The following HDAC4 variants were observed in gnomAD, a reference collection of about 807,000 sequenced individuals.
HDAC4 encodes the protein histone deacetylase 4.
Under a neutral mutation model 135.1 loss-of-function variants are expected in HDAC4, and 16 were observed. The observed-to-expected ratio is 0.12, with a 90% CI of 0.08 to 0.18. The LOEUF is 0.18. Among genes scored for constraint, HDAC4 ranks in the 10% least tolerant of loss-of-function variants. The pLI, the probability that HDAC4 is intolerant of heterozygous loss-of-function variation, is 1.00. For missense variants in HDAC4, 1,143 were observed against 1,511.8 expected, an observed-to-expected ratio of 0.76 and a Z score of 4.05; for synonymous variants, 685 against 653.4, an observed-to-expected ratio of 1.05 and a Z score of -0.74.
rs557082881 is a variant in HDAC4 at position 239,354,817 on chromosome 2, G to T, written c.-219-1899C>A. Reference sequence around the variant, plus strand: ...TTTATTCATCTCTTGGTCAGAAAGAGACATTTTCTTGAAGGGAATGTAGAT... The same window carrying T: ...TTTATTCATCTCTTGGTCAGAAAGATACATTTTCTTGAAGGGAATGTAGAT... On this transcript the variant is annotated intron_variant, in intron 1 of 26. Coordinates refer to ENST00000543185, the MANE Select transcript of HDAC4 (RefSeq NM_001378414.1). 8.5e-5 allele frequency among the ~76,000 whole-genome samples: 13 copies of T among 152,158 alleles called. No individual in the cohort carries two copies. The South Asian group carries it at 2.3e-3, about 27-fold the overall frequency.
intron 2 of HDAC4, among the ~76,000 whole-genome samples, chr2:239,273,124 T>C (rs1233556388): frequency 6.6e-6 from 1 of 152,172 alleles, no homozygotes; most frequent in South Asian, 2.1e-4. Flanking sequence ...GATTATCAGA[T>C]AAATTCCGGG....
chr2:239,369,678 G>T (rs1694468955), intron 1 of HDAC4, among the ~76,000 whole-genome samples: 2 of 152,304 alleles, frequency 1.3e-5, no homozygotes, highest in South Asian at 4.1e-4. Context: ...ATAAACTCAT[G>T]AAGTCAAGAA....
At position 239,345,690 on chromosome 2, in the gene HDAC4, TCA is replaced by T. The variant is rs1452474425; in HGVS notation, c.22+6986_22+6987del. On this transcript the variant is annotated intron_variant, in intron 2 of 26. Coordinates refer to ENST00000543185, the MANE Select transcript of HDAC4 (RefSeq NM_001378414.1). ...ACTCCCTAAAACACACACACCCATC[TCA>T]CACACATGCACTCACCCTAACACAC... is the stretch of plus-strand genomic sequence containing the variant. 1.1e-4 allele frequency among the ~76,000 whole-genome samples: 17 copies of T among 149,138 alleles called. 1 individual carries two copies. The highest frequency in any genetic ancestry group is 4.2e-4 in the African/African-American group (17 of 40,200).
intron 18 of HDAC4, 124 bp from the exon 19 acceptor site, chr2:239,087,738 A>C (rs115464353): frequency 1.1e-6 from 1 of 883,958 alleles, no homozygotes; most frequent in South Asian, 1.4e-5. Flanking sequence ...TTCTTGCTGC[A>C]CCCTGGCCAC....
At position 239,139,322 on chromosome 2, in the gene HDAC4, A is replaced by C. The variant is rs564314429; in HGVS notation, c.978+362T>G. ...AGCCACCCTCAGAGCACTGGCGACC[A>C]CAGCGAGCTGGGCAGCAGGGATCCT... On this transcript the variant is annotated intron_variant, in intron 9 of 26. Transcript: ENST00000543185. This position sits in a 1 kb window ranked among gnomAD's most constrained non-coding sequence, Gnocchi z 5.3. Among the ~76,000 whole-genome samples the C allele has an allele frequency of 6.6e-6, 1 of 152,292 alleles. No homozygotes were observed. Among genetic ancestry groups the C allele is most frequent in the South Asian group, 2.1e-4 (1 of 4,824 alleles).
chr2:239,076,105 G>A (rs1245892452), intron 22 of HDAC4, among the ~76,000 whole-genome samples: 1 of 149,350 alleles, frequency 6.7e-6, no homozygotes, highest in Non-Finnish European at 1.5e-5. Flanking sequence ...CTCAGCTTCC[G>A]GGGAAACAAA....
rs567493802 is a variant in HDAC4 at position 239,103,187 on chromosome 2, G to C, written c.2113-291C>G. On this transcript the variant is annotated intron_variant, in intron 15 of 26. Coordinates refer to ENST00000543185, the MANE Select transcript of HDAC4 (RefSeq NM_001378414.1). ...CCCTTCACTGTCGCACGAATGACTTGGCATCAAATTATTACTTTGCTTTCC... is the reference window on the plus strand; with the variant it reads ...CCCTTCACTGTCGCACGAATGACTTCGCATCAAATTATTACTTTGCTTTCC... Among the ~76,000 whole-genome samples, 102 of 152,264 alleles carry C rather than the reference G, an allele frequency of 6.7e-4. 1 individual carries two copies. Among genetic ancestry groups the C allele is most frequent in the African/African-American group, 2.3e-3 (97 of 41,550 alleles).
At chr2:239,112,834 C>T (rs762207508) in intron 13 of HDAC4, among the ~76,000 whole-genome samples, 6 of 152,182 alleles carry the variant, frequency 3.9e-5, no homozygotes, top group Non-Finnish European at 8.8e-5. Flanking sequence ...AAACCAGGTA[C>T]CTACATCCCA....
At chr2:239,302,290 G>A (rs888597683) in intron 2 of HDAC4, among the ~76,000 whole-genome samples, 2 of 152,186 alleles carry the variant, frequency 1.3e-5, no homozygotes, top group African/African-American at 4.8e-5. Flanking sequence ...TCAAGCTGAA[G>A]TCTCGGGTGA....
intron 2 of HDAC4, among the ~76,000 whole-genome samples, chr2:239,351,310 T>C (rs13401023): frequency 0.038 from 5,746 of 152,324 alleles, 369 homozygotes; most frequent in African/African-American, 0.13. Context: ...GAGCAAGTTA[T>C]ATTTGCACAC....
rs541334021 is a variant in HDAC4, at chr2:239,306,257, CA to C, written c.22+46420del. 6.6e-6 allele frequency among the ~76,000 whole-genome samples: 1 copy of C among 151,956 alleles called. No individual in the cohort carries two copies. The highest frequency in any genetic ancestry group is 1.5e-5 in the Non-Finnish European group (1 of 67,946). On this transcript the variant is annotated intron_variant, in intron 2 of 26. Transcript: ENST00000543185. The surrounding 1 kb of genome is among the most constrained non-coding windows in gnomAD (Gnocchi z 4.5). Reference sequence around the variant, plus strand: ...CCCATCTTTTCATACATTTAGAAGGCAAAAAAAGTTCATCTTTCTAGTGATT... The same window carrying C: ...CCCATCTTTTCATACATTTAGAAGGCAAAAAAGTTCATCTTTCTAGTGATT...
At chr2:239,312,336 G>A (rs1391863883) in intron 2 of HDAC4, among the ~76,000 whole-genome samples, 1 of 152,166 alleles carries the variant, frequency 6.6e-6, no homozygotes, top group Admixed American at 6.5e-5. Context: ...AAGGACATTG[G>A]CTGCCGCCAA....
chr2:239,195,556 G>A lies in HDAC4; in HGVS notation c.95-5479C>T, dbSNP rs551336250. On this transcript the variant is annotated intron_variant, in intron 3 of 26. Coordinates refer to ENST00000543185, the MANE Select transcript of HDAC4 (RefSeq NM_001378414.1). ...TCGTGCGCCTACGGCTGTGTCAGACGTGACTTGTGCTATTTCTGTATCAAA... is the reference window on the plus strand; with the variant it reads ...TCGTGCGCCTACGGCTGTGTCAGACATGACTTGTGCTATTTCTGTATCAAA... Among the ~76,000 whole-genome samples, 37 of 152,306 alleles carry A rather than the reference G, an allele frequency of 2.4e-4. 1 individual carries two copies. Among genetic ancestry groups the A allele is most frequent in the African/African-American group, 7.2e-4 (30 of 41,548 alleles).
intron 2 of HDAC4, among the ~76,000 whole-genome samples, chr2:239,342,000 T>C (rs1236888656): frequency 4.6e-5 from 7 of 152,146 alleles, no homozygotes; most frequent in African/African-American, 1.4e-4. Context: ...GAAGGCACCA[T>C]CTGTGAAGCA....
At position 239,048,619 on chromosome 2, in the gene HDAC4, A is replaced by G. The variant is rs2030336019; in HGVS notation, c.*4478T>C. ...TTATATATGTTTGTCATTCTCATCA[A>G]TTGGAAAATAGCGCCTCCACTATGG... On this transcript the variant is annotated 3_prime_UTR_variant, in exon 27 of 27. Coordinates refer to ENST00000543185, the MANE Select transcript of HDAC4 (RefSeq NM_001378414.1). The G allele has an allele frequency of 1.4e-5, 2 of 146,418 alleles. No homozygotes were observed. Among genetic ancestry groups the G allele is most frequent in the South Asian group, 2.2e-4 (1 of 4,618 alleles). 9.1% of individuals were successfully genotyped at this position (146,418 alleles called of 1,614,324 possible). A position where few individuals can be genotyped will look rare whatever the true frequency, so the allele number is the denominator to read the frequency against.
At chr2:239,157,792 G>T (rs2042521600) in intron 6 of HDAC4, among the ~76,000 whole-genome samples, 1 of 152,238 alleles carries the variant, frequency 6.6e-6, no homozygotes, top group South Asian at 2.1e-4. Context: ...ATGGGTACAG[G>T]TGTATATTTA....
rs925486360 is a variant in HDAC4 at position 239,298,130 on chromosome 2, T to C, written c.22+54548A>G. The C allele has an allele frequency of 1.2e-5, 14 of 1,122,132 alleles. No homozygotes were observed. The Admixed American group carries it at 3.2e-4, about 26-fold the overall frequency. The allele number at this position is 1,122,132 out of a possible 1,614,324, so 69.5% of individuals were successfully genotyped here. On this transcript the variant is annotated intron_variant, in intron 2 of 26. Transcript: ENST00000543185. ...TAAAAAAAATTAATGGACTAAAACATAAACAAGAAATTCCAAACCAAATAA... is the reference window on the plus strand; with the variant it reads ...TAAAAAAAATTAATGGACTAAAACACAAACAAGAAATTCCAAACCAAATAA...
chr2:239,218,553 C>T (rs1329211926), intron 3 of HDAC4, among the ~76,000 whole-genome samples: 1 of 150,842 alleles, frequency 6.6e-6, no homozygotes, highest in Non-Finnish European at 1.5e-5. Context: ...AGGACATAGG[C>T]ATGGGCAAGG....
At chr2:239,274,004 G>A (rs1411943745) in intron 2 of HDAC4, among the ~76,000 whole-genome samples, 1 of 152,224 alleles carries the variant, frequency 6.6e-6, no homozygotes, top group African/African-American at 2.4e-5. Context: ...ATGTTCGGAA[G>A]ACACCTGCAT....
Sources: allele counts gnomAD v4.1 joint callset (sites outside exome capture counted in the v4.1 genomes callset), GRCh38; gene constraint gnomAD v4.1.1; non-coding constraint Gnocchi (gnomAD v3.1); transcripts MANE v1.5; gene names NCBI Gene and HGNC (gene_info 2026-07-23, HGNC 2026-07-21).